STON2: variants seen among roughly 807,000 people sequenced by gnomAD.
STON2 encodes the protein stonin 2, also known as stonin-2.
STON2 carries 29 observed loss-of-function variants against 65.7 expected under a neutral mutation model. The ratio of observed to expected loss-of-function variants is 0.44; its 90% CI spans 0.33 to 0.60. The LOEUF (loss-of-function observed/expected upper bound fraction) is 0.60, where lower values mean the gene tolerates loss of function less well. Among genes scored for constraint, STON2 ranks in the 20% least tolerant of loss-of-function variants. The pLI, the probability that STON2 is intolerant of heterozygous loss-of-function variation, is 0.03. For missense variants in STON2, 1,054 were observed against 1,118.1 expected (o/e 0.94, Z 0.82); for synonymous variants, 404 against 414.2 (o/e 0.98, Z 0.30).
intron 3 of STON2, among the ~76,000 whole-genome samples, chr14:81,394,285 TTG>T (rs1296073883): frequency 6.6e-6 from 1 of 152,216 alleles, no homozygotes; most frequent in African/African-American, 2.4e-5. Flanking sequence ...TGTTACAGAA[TTG>T]TTTTATATTT....
At chr14:81,431,777 CA>C (rs1206683311) in intron 1 of STON2, among the ~76,000 whole-genome samples, 1,751 of 108,518 alleles carry the variant, frequency 0.016, 16 homozygotes, top group African/African-American at 0.037. Context: ...AACTCTGTCT[CA>C]AAAAAAAAAA....
intron 5 of STON2, among the ~76,000 whole-genome samples, chr14:81,313,809 ATACACACACAC>A (rs1387049648): frequency 6.0e-4 from 47 of 78,754 alleles, no homozygotes; most frequent in African/African-American, 3.0e-3. Context: ...AAAAAAAAAA[ATACACACACAC>A]ACACACACAC....
upstream of STON2, among the ~76,000 whole-genome samples, chr14:81,403,437 A>G (rs1031128461): frequency 5.9e-5 from 9 of 152,194 alleles, no homozygotes; most frequent in African/African-American, 2.2e-4. Context: ...GAGAAAAAAA[A>G]TATTATCTTT....
At position 81,268,100 on chromosome 14, in the gene STON2, A is replaced by G. The variant is rs1381504044; in HGVS notation, c.*314T>C. 2 of 1,025,394 alleles carry G rather than the reference A, an allele frequency of 2.0e-6. No individual in the cohort carries two copies. Among genetic ancestry groups the G allele is most frequent in the East Asian group, 1.9e-4 (2 of 10,524 alleles). The allele number at this position is 1,025,394 out of a possible 1,614,324, so 63.5% of individuals were successfully genotyped here. On this transcript the variant is annotated 3_prime_UTR_variant, in exon 8 of 8. Coordinates refer to ENST00000614646, the MANE Select transcript of STON2 (RefSeq NM_001394390.1). ...CTGACTGTAACAGTCACAACAAACC[A>G]CATACCAGTGCTGTGAGATAAGCAG...
rs944845631 is a variant in STON2 at position 81,264,381 on chromosome 14, C to T, written c.*4033G>A. On this transcript the variant is annotated 3_prime_UTR_variant, in exon 8 of 8. Transcript: ENST00000614646. ...TTGATGATAAGTAAGGGTTAAGTAG[C>T]CTTCGAGTCTCAGGGTCAGTATTCT... is the stretch of plus-strand genomic sequence containing the variant. The T allele has an allele frequency of 4.5e-5, 44 of 985,412 alleles. No homozygotes were observed. The African/African-American group carries it at 7.7e-4, about 17-fold the overall frequency. 61.0% of individuals were successfully genotyped at this position (985,412 alleles called of 1,614,324 possible).
At chr14:81,333,306 T>C in intron 4 of STON2, 1 of 654,982 alleles carries the variant, frequency 1.5e-6, no homozygotes, top group Non-Finnish European at 2.8e-6. Flanking sequence ...TTGTTTCCTC[T>C]GAAGTCGTTG....
At position 81,266,013 on chromosome 14, in the gene STON2, C is replaced by T. The variant is rs1595261229; in HGVS notation, c.*2401G>A. ...TCAGTACAACAGGGGAAGAGATATG[C>T]GTTGAAATTCCTTGACAAAAACCTC... is the stretch of plus-strand genomic sequence containing the variant. On this transcript the variant is annotated 3_prime_UTR_variant, in exon 8 of 8. Transcript: ENST00000614646. The T allele has an allele frequency of 1.1e-5, 11 of 985,324 alleles. No homozygotes were observed. The highest frequency in any genetic ancestry group is 1.3e-5 in the Non-Finnish European group (11 of 829,916). 61.0% of individuals were successfully genotyped at this position (985,324 alleles called of 1,614,324 possible).
intron 7 of STON2, chr14:81,270,299 G>A: frequency 2.2e-6 from 2 of 914,352 alleles, no homozygotes. Context: ...TGGCCAGGCT[G>A]GTCTTGAACT....
At chr14:81,370,467 T>C (rs1898933464) in intron 4 of STON2, among the ~76,000 whole-genome samples, 1 of 152,222 alleles carries the variant, frequency 6.6e-6, no homozygotes, top group South Asian at 2.1e-4. Flanking sequence ...GCATTGCCGA[T>C]TGATGTATCA....
chr14:81,303,280 T>C lies in STON2; in HGVS notation c.742+20737A>G, dbSNP rs183777038. Among the ~76,000 whole-genome samples the C allele has an allele frequency of 9.8e-4, 150 of 152,304 alleles. 1 individual carries two copies. Among genetic ancestry groups the C allele is most frequent in the Middle Eastern group, 3.4e-3 (1 of 294 alleles). ...TATGTTGTTTTACTTTTACTCTGCT[T>C]TTAGTCATTATTATATGCTCCATCA... On this transcript the variant is annotated intron_variant, in intron 5 of 7. Coordinates refer to ENST00000614646, the MANE Select transcript of STON2 (RefSeq NM_001394390.1).
At chr14:81,370,395 C>T (rs569474150) in intron 4 of STON2, among the ~76,000 whole-genome samples, 3 of 152,326 alleles carry the variant, frequency 2.0e-5, no homozygotes, top group African/African-American at 7.2e-5. Context: ...CATATTCCAC[C>T]TGCAAAGAAA....
chr14:81,274,397 G>A (rs1018405296), intron 6 of STON2, among the ~76,000 whole-genome samples: 3 of 152,180 alleles, frequency 2.0e-5, no homozygotes, highest in African/African-American at 7.2e-5. Flanking sequence ...CAGCATATAA[G>A]CTGCATTTAC....
intron 7 of STON2, 51 bp from the exon 8 acceptor site, chr14:81,268,548 T>G: frequency 7.8e-7 from 1 of 1,286,424 alleles, no homozygotes; most frequent in East Asian, 5.5e-5. Flanking sequence ...AGAAAAAGCA[T>G]GCAAATAAAT....
At chr14:81,271,018 C>T (rs974371874) in intron 6 of STON2, 146 bp from the exon 7 acceptor site, 61 of 1,086,688 alleles carry the variant, frequency 5.6e-5, no homozygotes, top group Non-Finnish European at 6.7e-5. Context: ...CACGAGGATC[C>T]GCCCGGCTCA....
At chr14:81,312,659 G>A (rs1442371704) in intron 5 of STON2, among the ~76,000 whole-genome samples, 2 of 152,204 alleles carry the variant, frequency 1.3e-5, no homozygotes, top group African/African-American at 4.8e-5. Context: ...ACTTAGCCTA[G>A]CTGCTTAAAA....
chr14:81,432,115 A>C (rs1444355549), intron 1 of STON2, among the ~76,000 whole-genome samples: 1 of 152,138 alleles, frequency 6.6e-6, no homozygotes, highest in Non-Finnish European at 1.5e-5. Context: ...CATGCTGGTA[A>C]ACCACTGGTT....
chr14:81,365,024 T>C (rs1027203029), intron 4 of STON2, among the ~76,000 whole-genome samples: 2 of 152,152 alleles, frequency 1.3e-5, no homozygotes, highest in African/African-American at 4.8e-5. Context: ...CCCCAGCCCA[T>C]CCCATGGAAC....
intron 4 of STON2, among the ~76,000 whole-genome samples, chr14:81,357,610 T>C (rs148421289): frequency 0.032 from 4,891 of 152,130 alleles, 289 homozygotes; most frequent in African/African-American, 0.11. Context: ...CGTATGTTTA[T>C]TGTGGCACTA....
chr14:81,426,909 T>C (rs764884500), intron 2 of STON2, among the ~76,000 whole-genome samples: 1 of 152,200 alleles, frequency 6.6e-6, no homozygotes, highest in African/African-American at 2.4e-5. Flanking sequence ...CAAATCATGA[T>C]GTTCACCTAC....
Sources: gnomAD v4.1 joint callset for allele counts (sites outside exome capture counted in the v4.1 genomes callset) on GRCh38, gnomAD v4.1.1 for gene constraint, MANE v1.5 for transcripts, NCBI Gene and HGNC (gene_info 2026-07-23, HGNC 2026-07-21) for gene names.